DOCK8: variants seen among roughly 807,000 people sequenced by gnomAD.
DOCK8 encodes dedicator of cytokinesis protein 8.
DOCK8 carries 141 observed loss-of-function variants against 245.6 expected under a neutral mutation model. The ratio of observed to expected loss-of-function variants is 0.57; its 90% CI spans 0.50 to 0.66. The LOEUF (loss-of-function observed/expected upper bound fraction) is 0.66. Ranked by LOEUF, DOCK8 falls within the 30% of genes least tolerant of loss-of-function variation. The probability of loss-of-function intolerance (pLI) is 0.00; values close to 1 mark genes in which losing one functional copy is unlikely to be tolerated. For synonymous variants in DOCK8, 1,168 were observed against 970.2 expected, an observed-to-expected ratio of 1.20 and a Z score of -3.79; for missense variants, 2,965 against 2,603.4, an observed-to-expected ratio of 1.14 and a Z score of -3.02.
rs575195653 is a variant in DOCK8 at position 445,653 on chromosome 9, TC to T, written c.5581-715del. ...TCCATGTTGCAATAGTTCCTTCCTT[TC>T]CGTTGCTGAGTAGTATTCTGTTGTG... On this transcript the variant is annotated intron_variant, in intron 43 of 47. Coordinates refer to ENST00000432829, the MANE Select transcript of DOCK8 (RefSeq NM_203447.4). Among the ~76,000 whole-genome samples, 390 of 152,346 alleles carry T rather than the reference TC, an allele frequency of 2.6e-3. 1 individual carries two copies. Among genetic ancestry groups the T allele is most frequent in the African/African-American group, 8.7e-3 (361 of 41,576 alleles).
chr9:266,647 A>G (rs2048040064), intron 1 of DOCK8, among the ~76,000 whole-genome samples: 1 of 152,140 alleles, frequency 6.6e-6, no homozygotes, highest in Non-Finnish European at 1.5e-5. Flanking sequence ...CCAATTGTAT[A>G]TCATAATTAT....
In DOCK8 at chr9:309,562, TACAAAGAC is replaced by T. The variant is rs575640225; in HGVS notation, c.529-2390_529-2383del. Among the ~76,000 whole-genome samples, 39 of 152,320 alleles carry T rather than the reference TACAAAGAC, an allele frequency of 2.6e-4. No homozygotes were observed. The South Asian group carries it at 7.0e-3, about 28-fold the overall frequency. On this transcript the variant is annotated intron_variant, in intron 5 of 47. Transcript: ENST00000432829. Reference sequence around the variant, plus strand: ...TGGTTCAAAGCATGCAGTTCCCAATTACAAAGACATTCCTAATGGAATAAAACATCCAC... The same window carrying T: ...TGGTTCAAAGCATGCAGTTCCCAATTATTCCTAATGGAATAAAACATCCAC...
At position 400,841 on chromosome 9, in the gene DOCK8, ACCTCCACCATCACCACCT is replaced by A. The variant is rs1340053546; in HGVS notation, c.3234+1600_3234+1617del. Among the ~76,000 whole-genome samples the A allele has an allele frequency of 3.5e-4, 22 of 63,204 alleles. 2 individuals carry two copies. The highest frequency in any genetic ancestry group is 5.3e-4 in the South Asian group (1 of 1,886). 41.5% of individuals were successfully genotyped at this position (63,204 alleles called of 152,430 possible). On this transcript the variant is annotated intron_variant, in intron 26 of 47. Coordinates refer to ENST00000432829, the MANE Select transcript of DOCK8 (RefSeq NM_203447.4). ...CACCTCCACCATCACCATCACCACC[ACCTCCACCATCACCACCT>A]CCTCCACCATCACCACCACCTCCAC...
In DOCK8 at chr9:232,493, C is replaced by G. The variant is rs139790819; in HGVS notation, c.53+17464C>G. On this transcript the variant is annotated intron_variant, in intron 1 of 47. Coordinates refer to ENST00000432829, the MANE Select transcript of DOCK8 (RefSeq NM_203447.4). The stretch of plus-strand genomic sequence containing the variant: ...ATGGTACCAGCTCCTCTTTGTACCT[C>G]TGGTAGAATTTGGCTGTGAATCCAT... Among the ~76,000 whole-genome samples the G allele has an allele frequency of 2.2e-3, 338 of 152,280 alleles. 1 individual carries two copies. Among genetic ancestry groups the G allele is most frequent in the African/African-American group, 7.8e-3 (324 of 41,552 alleles).
intron 43 of DOCK8, among the ~76,000 whole-genome samples, 191 bp from the exon 44 acceptor site, chr9:446,179 T>A (rs902185198): frequency 1.3e-5 from 2 of 152,204 alleles, no homozygotes; most frequent in African/African-American, 4.8e-5. Flanking sequence ...TCTCCCTCCT[T>A]GCAGCCCCTT....
Position 214,878 on chromosome 9 carries a change from T to C in DOCK8, c.-99T>C, listed in dbSNP as rs770816855. ...CCAGCGCCGACCGACAGACGAGGTT[T>C]GCGCTTGGCTGGGCATGTTCCGCGG... On this transcript the variant is annotated 5_prime_UTR_variant, in exon 1 of 48. Transcript: ENST00000432829. 1 of 1,601,592 alleles carries C rather than the reference T, an allele frequency of 6.2e-7. No homozygotes were observed. Among genetic ancestry groups the C allele is most frequent in the East Asian group, 2.3e-5 (1 of 43,828 alleles).
chr9:232,377 C>A (rs984451070), intron 1 of DOCK8, among the ~76,000 whole-genome samples: 15 of 152,140 alleles, frequency 9.9e-5, no homozygotes, highest in Non-Finnish European at 1.8e-4. Context: ...TGTGTCTCTG[C>A]CAGGCTTTGG....
Position 405,006 on chromosome 9 carries a change from A to T in DOCK8, c.3323A>T (p.Asn1108Ile), listed in dbSNP as rs151210108. 6.2e-7 allele frequency: 1 copy of T among 1,614,036 alleles called. No individual in the cohort carries two copies. The highest frequency in any genetic ancestry group is 1.1e-5 in the South Asian group (1 of 91,082). ...CTCTGTAGCCATGAGCATTACCTCA[A>T]TCTGAACCTTTTTTTTATGAATGCT... ...RILCSHEHYL[N>I]LNLFFMNADT... Residue 1108 changes from asparagine to isoleucine, a missense_variant, in exon 27 of 48, where the codon AAT becomes ATT. Transcript: ENST00000432829.
intron 1 of DOCK8, among the ~76,000 whole-genome samples, chr9:228,243 G>T (rs918219502): frequency 1.3e-5 from 2 of 152,110 alleles, no homozygotes; most frequent in Admixed American, 1.3e-4. Context: ...ACAGAGGAAG[G>T]ATGTGTTTTA....
intron 1 of DOCK8, among the ~76,000 whole-genome samples, chr9:231,386 C>A (rs2047113193): frequency 6.6e-6 from 1 of 152,116 alleles, no homozygotes; most frequent in South Asian, 2.1e-4. Flanking sequence ...GTGATGCAGG[C>A]TCTTTTTTGG....
intron 2 of DOCK8, among the ~76,000 whole-genome samples, chr9:277,962 A>C (rs765596953): frequency 6.6e-6 from 1 of 152,216 alleles, no homozygotes; most frequent in Non-Finnish European, 1.5e-5. Context: ...CCTGATAAAT[A>C]TGGTCCTCTT....
intron 29 of DOCK8, among the ~76,000 whole-genome samples, chr9:417,307 A>G (rs970052263): frequency 6.6e-6 from 1 of 152,180 alleles, no homozygotes; most frequent in African/African-American, 2.4e-5. Context: ...AATAAATAAT[A>G]AGAACTGGGT....
intron 46 of DOCK8, chr9:456,900 G>T (rs1330865999): frequency 6.6e-6 from 1 of 152,136 alleles, no homozygotes; most frequent in Non-Finnish European, 1.5e-5. Context: ...TTAAATAAAA[G>T]ATAGTAGTAC....
chr9:336,664 G>C lies in DOCK8; in HGVS notation c.1368G>C (p.Gly456=). The change falls in exon 12 of 48, where the codon GGG becomes GGC. Residue 456 remains glycine (G), a synonymous_variant. Coordinates refer to ENST00000432829, the MANE Select transcript of DOCK8 (RefSeq NM_203447.4). Reference sequence around the variant, plus strand: ...GAGCCCTCTCCTTGGAGGAAAATGGGGTTGGATCCAACTTCAAAACCTCCA... The same window carrying C: ...GAGCCCTCTCCTTGGAGGAAAATGGCGTTGGATCCAACTTCAAAACCTCCA... ...SERALSLEEN[G]VGSNFKTSTL... is the part of the protein sequence containing the mutation. The C allele has an allele frequency of 6.2e-7, 1 of 1,614,092 alleles. No individual in the cohort carries two copies. Among genetic ancestry groups the C allele is most frequent in the Non-Finnish European group, 8.5e-7 (1 of 1,179,998 alleles).
chr9:392,418 G>A lies in DOCK8; in HGVS notation c.2970+1852G>A, dbSNP rs145901991. ...AGTCCCAACCTCTGTTTTGAGAAGG[G>A]TCCCAAAGCATGGTCCCAAATCCTT... On this transcript the variant is annotated intron_variant, in intron 24 of 47. Coordinates refer to ENST00000432829, the MANE Select transcript of DOCK8 (RefSeq NM_203447.4). 3.4e-3 allele frequency among the ~76,000 whole-genome samples: 514 copies of A among 152,254 alleles called. 2 individuals are homozygous for A. The highest frequency in any genetic ancestry group is 0.012 in the African/African-American group (496 of 41,552).
chr9:310,745 G>A (rs896993481), intron 5 of DOCK8, among the ~76,000 whole-genome samples: 1 of 152,204 alleles, frequency 6.6e-6, no homozygotes, highest in Non-Finnish European at 1.5e-5. Flanking sequence ...ACAGGCATGA[G>A]CCCAATATTT....
chr9:231,670 G>A (rs2047120870), intron 1 of DOCK8, among the ~76,000 whole-genome samples: 1 of 152,066 alleles, frequency 6.6e-6, no homozygotes, highest in Admixed American at 6.5e-5. Flanking sequence ...ATTGTGAATG[G>A]GAGTTCACTC....
chr9:255,995 G>T (rs2047763784), intron 1 of DOCK8, among the ~76,000 whole-genome samples: 1 of 152,092 alleles, frequency 6.6e-6, no homozygotes, highest in Non-Finnish European at 1.5e-5. Context: ...ACTGTTTAGT[G>T]CACAGAATGT....
chr9:335,957 A>G (rs1049842032), intron 11 of DOCK8, among the ~76,000 whole-genome samples: 2 of 152,212 alleles, frequency 1.3e-5, no homozygotes, highest in African/African-American at 4.8e-5. Context: ...AAAAGCAACA[A>G]GATCTCCACC....
Sources: allele counts gnomAD v4.1 joint callset (sites outside exome capture counted in the v4.1 genomes callset), GRCh38; gene constraint gnomAD v4.1.1; transcripts MANE v1.5; gene names NCBI Gene and HGNC (gene_info 2026-07-23, HGNC 2026-07-21).